The following EYA1 variants were observed in gnomAD, a reference collection of about 807,000 sequenced individuals.
EYA1 encodes protein phosphatase EYA1.
EYA1 carries 16 observed loss-of-function variants against 82.0 expected under a neutral mutation model. The observed-to-expected ratio is 0.20, with a 90% CI of 0.13 to 0.30. The LOEUF is 0.30. EYA1 is among the 10% of genes least tolerant of loss of function. The pLI, the probability that EYA1 is intolerant of heterozygous loss-of-function variation, is 1.00. For missense variants in EYA1, 633 were observed against 730.7 expected (o/e 0.87, Z 1.54); for synonymous variants, 261 against 264.4 (o/e 0.99, Z 0.12).
intron 2 of EYA1, among the ~76,000 whole-genome samples, chr8:71,509,325 G>A (rs902205992): frequency 9.2e-5 from 14 of 152,094 alleles, no homozygotes; most frequent in South Asian, 4.2e-4. Context: ...ACAACTTCAC[G>A]AGTATTTTAT....
intron 2 of EYA1, among the ~76,000 whole-genome samples, chr8:71,503,402 G>A (rs565037200): frequency 6.6e-6 from 1 of 152,088 alleles, no homozygotes; most frequent in South Asian, 2.1e-4. Context: ...GAATCCAGGA[G>A]GCAGAGGTTG....
intron 11 of EYA1, among the ~76,000 whole-genome samples, chr8:71,267,709 T>C (rs575052228): frequency 4.6e-5 from 7 of 152,096 alleles, no homozygotes; most frequent in Non-Finnish European, 8.8e-5. Flanking sequence ...CCACCACGCC[T>C]GGCTAATTTT....
chr8:71,361,962 C>G lies in EYA1; in HGVS notation c.-370G>C. ...AGTCGGAAGTGGCACTGGAGAGTTT[C>G]TACCTCGCCCCAAACTCGGAGCCAT... On this transcript the variant is annotated 5_prime_UTR_variant, in exon 1 of 18. Transcript: ENST00000340726. The G allele has an allele frequency of 4.1e-6, 4 of 985,426 alleles. No individual in the cohort carries two copies. Among genetic ancestry groups the G allele is most frequent in the Non-Finnish European group, 4.8e-6 (4 of 829,948 alleles). The allele number at this position is 985,426 out of a possible 1,614,324, so 61.0% of individuals were successfully genotyped here.
chr8:71,245,815 C>G (rs1272122179), intron 11 of EYA1, among the ~76,000 whole-genome samples: 1 of 152,192 alleles, frequency 6.6e-6, no homozygotes, highest in Non-Finnish European at 1.5e-5. Context: ...GGGAGCTGAT[C>G]TTAAGATTCA....
intron 17 of EYA1, among the ~76,000 whole-genome samples, chr8:71,206,586 A>AC: frequency 6.6e-6 from 1 of 152,284 alleles, no homozygotes; most frequent in East Asian, 1.9e-4. Context: ...TAATTTAGCT[A>AC]CTTTCTAGCT....
At chr8:71,227,376 G>A (rs576343266) in intron 12 of EYA1, among the ~76,000 whole-genome samples, 5 of 152,118 alleles carry the variant, frequency 3.3e-5, no homozygotes, top group Admixed American at 1.3e-4. Flanking sequence ...TACTAAAGAA[G>A]AATTTTTCAT....
At chr8:71,416,513 A>G (rs1319863968) in intron 2 of EYA1, among the ~76,000 whole-genome samples, 1 of 152,202 alleles carries the variant, frequency 6.6e-6, no homozygotes, top group African/African-American at 2.4e-5. Context: ...AAATAAGAGG[A>G]AAAAAATGAA....
Position 71,304,901 on chromosome 8 carries a change from C to A in EYA1, c.557-5181G>T, listed in dbSNP as rs1489694356. Among the ~76,000 whole-genome samples the A allele has an allele frequency of 9.8e-5, 14 of 142,740 alleles. 3 individuals carry two copies. The highest frequency in any genetic ancestry group is 3.5e-4 in the African/African-American group (14 of 40,340). The allele number at this position is 142,740 out of a possible 152,430, so 93.6% of individuals were successfully genotyped here. A position where few individuals can be genotyped will look rare whatever the true frequency, so the allele number is the denominator to read the frequency against. On this transcript the variant is annotated intron_variant, in intron 7 of 17. Transcript: ENST00000340726. ...ACGCCACAAAGCAAAGGCAAAACAACAATGCTCATGCTCCCCAGAAAGCTT... is the reference window on the plus strand; with the variant it reads ...ACGCCACAAAGCAAAGGCAAAACAAAAATGCTCATGCTCCCCAGAAAGCTT...
intron 2 of EYA1, among the ~76,000 whole-genome samples, chr8:71,454,402 A>G (rs529436791): frequency 3.2e-4 from 48 of 152,350 alleles, no homozygotes; most frequent in African/African-American, 1.1e-3. Context: ...AATTGAACTC[A>G]GTTCTGCACC....
At chr8:71,457,779 A>G (rs1316883166) in intron 2 of EYA1, among the ~76,000 whole-genome samples, 1 of 152,138 alleles carries the variant, frequency 6.6e-6, no homozygotes, top group Non-Finnish European at 1.5e-5. Flanking sequence ...GATATACCTA[A>G]TGTAAATGAT....
chr8:71,461,753 G>C (rs1273426192), intron 2 of EYA1, among the ~76,000 whole-genome samples: 3 of 152,146 alleles, frequency 2.0e-5, no homozygotes, highest in African/African-American at 7.2e-5. Context: ...ATAGCTCAGA[G>C]GAGATCCTGA....
intron 2 of EYA1, among the ~76,000 whole-genome samples, chr8:71,479,599 A>C (rs1296923241): frequency 6.7e-6 from 1 of 149,662 alleles, no homozygotes; most frequent in African/African-American, 2.5e-5. Flanking sequence ...AACAGTAAAA[A>C]TACCTTTAGA....
intron 2 of EYA1, among the ~76,000 whole-genome samples, chr8:71,409,945 C>T (rs911599528): frequency 3.5e-5 from 5 of 143,878 alleles, no homozygotes; most frequent in African/African-American, 1.3e-4. Context: ...AGACCAATAT[C>T]CTTGATGAAC....
At chr8:71,282,238 C>G (rs1271671584) in intron 9 of EYA1, among the ~76,000 whole-genome samples, 3 of 152,174 alleles carry the variant, frequency 2.0e-5, no homozygotes, top group East Asian at 3.9e-4. Flanking sequence ...TCCACGTTCC[C>G]TTTACTCTAG....
chr8:71,470,080 A>C (rs1809069881), intron 2 of EYA1, among the ~76,000 whole-genome samples: 1 of 152,038 alleles, frequency 6.6e-6, no homozygotes, highest in Non-Finnish European at 1.5e-5. Flanking sequence ...CAAACAAAAA[A>C]ATGTAACTAA....
At chr8:71,432,425 T>C (rs1805691839) in intron 2 of EYA1, among the ~76,000 whole-genome samples, 1 of 152,196 alleles carries the variant, frequency 6.6e-6, no homozygotes, top group South Asian at 2.1e-4. Flanking sequence ...TTAAGAGTGC[T>C]ATATTAGTTA....
At chr8:71,444,987 G>A (rs1806757204) in intron 2 of EYA1, among the ~76,000 whole-genome samples, 1 of 152,154 alleles carries the variant, frequency 6.6e-6, no homozygotes, top group African/African-American at 2.4e-5. Context: ...GGAGAGAAGT[G>A]GAACTCAAAT....
At chr8:71,336,374 A>G (rs1299350238) in intron 3 of EYA1, among the ~76,000 whole-genome samples, 2 of 152,210 alleles carry the variant, frequency 1.3e-5, no homozygotes, top group Non-Finnish European at 2.9e-5. Context: ...TTCATGCCCA[A>G]CTGTCAGGAA....
chr8:71,279,534 A>G (rs1817580295), intron 9 of EYA1, among the ~76,000 whole-genome samples: 1 of 152,230 alleles, frequency 6.6e-6, no homozygotes, highest in Non-Finnish European at 1.5e-5. Flanking sequence ...TGGCCAAAAG[A>G]ATCATATACA....
Sources: gnomAD v4.1 joint callset for allele counts (sites outside exome capture counted in the v4.1 genomes callset) on GRCh38, gnomAD v4.1.1 for gene constraint, MANE v1.5 for transcripts, NCBI Gene and HGNC (gene_info 2026-07-23, HGNC 2026-07-21) for gene names.